The following SORCS2 variants were observed in gnomAD, a reference collection of about 807,000 sequenced individuals.
The protein encoded by SORCS2 is sortilin related VPS10 domain containing receptor 2.
A neutral mutation model predicts 141.6 loss-of-function variants in SORCS2; 100 were observed. That is an observed-to-expected ratio of 0.71 (90% CI 0.60 to 0.83). The LOEUF (loss-of-function observed/expected upper bound fraction) is 0.83, where lower values mean the gene tolerates loss of function less well. Ranked by LOEUF, SORCS2 falls within the 40% of genes least tolerant of loss-of-function variation. The pLI, the probability that SORCS2 is intolerant of heterozygous loss-of-function variation, is 0.00. For synonymous variants in SORCS2, 789 were observed against 676.9 expected, an observed-to-expected ratio of 1.17 and a Z score of -2.57; for missense variants, 1,646 against 1,560.2, an observed-to-expected ratio of 1.05 and a Z score of -0.93.
intron 18 of SORCS2, among the ~76,000 whole-genome samples, chr4:7,723,102 G>A (rs1267046593): frequency 2.0e-5 from 3 of 152,186 alleles, no homozygotes; most frequent in Admixed American, 1.3e-4. Flanking sequence ...GCCTCTCTGG[G>A]TGACTCGGTG....
chr4:7,689,806 A>G (rs1472632257), intron 11 of SORCS2, among the ~76,000 whole-genome samples: 1 of 152,262 alleles, frequency 6.6e-6, no homozygotes, highest in Non-Finnish European at 1.5e-5. Flanking sequence ...GGCAGAATGG[A>G]AAGATGGACA....
chr4:7,490,364 T>C (rs2109398614), intron 2 of SORCS2, among the ~76,000 whole-genome samples: 1 of 152,172 alleles, frequency 6.6e-6, no homozygotes, highest in Non-Finnish European at 1.5e-5. Context: ...GGTGAGGCTG[T>C]CAAGGGCAGC....
intron 7 of SORCS2, among the ~76,000 whole-genome samples, chr4:7,665,080 T>A (rs532254765): frequency 2.6e-5 from 4 of 152,298 alleles, no homozygotes; most frequent in Admixed American, 1.3e-4. Flanking sequence ...CGGACTCCCA[T>A]CCACTGGGTT....
chr4:7,224,797 T>A (rs1306345027), intron 1 of SORCS2, among the ~76,000 whole-genome samples: 1 of 152,142 alleles, frequency 6.6e-6, no homozygotes, highest in Non-Finnish European at 1.5e-5. Flanking sequence ...CTCCGATCCT[T>A]CCCCTTCCAG....
At chr4:7,425,830 G>T (rs774704016) in intron 2 of SORCS2, among the ~76,000 whole-genome samples, 1 of 152,244 alleles carries the variant, frequency 6.6e-6, no homozygotes, top group Non-Finnish European at 1.5e-5. Context: ...CAAGCATCCC[G>T]AGGCAGGGAC....
At chr4:7,429,693 G>T (rs867192612) in intron 2 of SORCS2, among the ~76,000 whole-genome samples, 3 of 152,316 alleles carry the variant, frequency 2.0e-5, no homozygotes, top group Middle Eastern at 3.4e-3. Context: ...CCAGGTTAGG[G>T]ATGAGGACCC....
At chr4:7,283,000 A>T (rs1368022141) in intron 1 of SORCS2, among the ~76,000 whole-genome samples, 1 of 151,962 alleles carries the variant, frequency 6.6e-6, no homozygotes, top group Non-Finnish European at 1.5e-5. Flanking sequence ...TTCATCCATT[A>T]ATTCACTCAT....
At chr4:7,309,850 G>A (rs889546656) in intron 1 of SORCS2, among the ~76,000 whole-genome samples, 7 of 152,160 alleles carry the variant, frequency 4.6e-5, no homozygotes, top group South Asian at 2.1e-4. Flanking sequence ...TGCTGTGGTC[G>A]CCAGGCCTTG....
chr4:7,462,909 C>T (rs1260253072), intron 2 of SORCS2, among the ~76,000 whole-genome samples: 1 of 151,308 alleles, frequency 6.6e-6, no homozygotes, highest in Non-Finnish European at 1.5e-5. Context: ...AAGAAATGAG[C>T]CACTCTTGCC....
At chr4:7,499,656 A>T (rs1364119249) in intron 2 of SORCS2, among the ~76,000 whole-genome samples, 2 of 151,248 alleles carry the variant, frequency 1.3e-5, no homozygotes, top group African/African-American at 4.9e-5. Context: ...GACACTGGCC[A>T]TCCCCCCTCA....
intron 2 of SORCS2, among the ~76,000 whole-genome samples, chr4:7,426,199 G>GT (rs1726424876): frequency 6.6e-6 from 1 of 152,118 alleles, no homozygotes; most frequent in African/African-American, 2.4e-5. Context: ...CAGGGCCTGT[G>GT]TTTTACCTTG....
At chr4:7,610,718 G>A (rs572631913) in intron 3 of SORCS2, among the ~76,000 whole-genome samples, 83 of 152,218 alleles carry the variant, frequency 5.5e-4, no homozygotes, top group African/African-American at 1.9e-3. Flanking sequence ...GAACCAAAAG[G>A]GTCAGGAGCA....
chr4:7,342,296 G>A (rs952805656), intron 1 of SORCS2, among the ~76,000 whole-genome samples: 6 of 152,224 alleles, frequency 3.9e-5, no homozygotes, highest in Non-Finnish European at 7.3e-5. Flanking sequence ...CACTGTCGGC[G>A]GAGGGCTGCC....
intron 1 of SORCS2, among the ~76,000 whole-genome samples, chr4:7,348,544 C>T (rs143732680): frequency 1.3e-5 from 2 of 152,228 alleles, no homozygotes; most frequent in East Asian, 1.9e-4. Context: ...AAATTTCAAT[C>T]TTGTGTTGTT....
At chr4:7,710,587 G>A (rs573523553) in intron 14 of SORCS2, among the ~76,000 whole-genome samples, 1 of 152,332 alleles carries the variant, frequency 6.6e-6, no homozygotes, top group African/African-American at 2.4e-5. Context: ...CAGCGATGTT[G>A]AAGGAAGATC....
chr4:7,733,899 G>A (rs570988726), intron 24 of SORCS2, among the ~76,000 whole-genome samples: 3 of 152,318 alleles, frequency 2.0e-5, no homozygotes, highest in South Asian at 2.1e-4. Flanking sequence ...CACACAGGAC[G>A]CACTCCTGGT....
intron 7 of SORCS2, among the ~76,000 whole-genome samples, chr4:7,665,693 G>T (rs1268714484): frequency 6.6e-6 from 1 of 152,154 alleles, no homozygotes; most frequent in African/African-American, 2.4e-5. Flanking sequence ...GCAAGCTGAG[G>T]CTGGGCTCTA....
intron 5 of SORCS2, among the ~76,000 whole-genome samples, chr4:7,656,658 T>C (rs960993385): frequency 9.2e-5 from 14 of 152,316 alleles, no homozygotes; most frequent in African/African-American, 3.1e-4. Flanking sequence ...CCGCTTGGGC[T>C]TCACCGGGTG....
chr4:7,656,950 C>A (rs553690998), intron 5 of SORCS2, among the ~76,000 whole-genome samples: 1 of 152,252 alleles, frequency 6.6e-6, no homozygotes, highest in Non-Finnish European at 1.5e-5. Flanking sequence ...CTGCCCCCGG[C>A]CAGCTCACTG....
Sources: gnomAD v4.1 joint callset for allele counts (sites outside exome capture counted in the v4.1 genomes callset) on GRCh38, gnomAD v4.1.1 for gene constraint, MANE v1.5 for transcripts, NCBI Gene and HGNC (gene_info 2026-07-23, HGNC 2026-07-21) for gene names.